Variants in ZNF385D observed in about 807,000 individuals in gnomAD.
ZNF385D encodes zinc finger protein 659.
ZNF385D carries 15 observed loss-of-function variants against 35.8 expected under a neutral mutation model. The ratio of observed to expected loss-of-function variants is 0.42; its 90% CI spans 0.28 to 0.64. The LOEUF (loss-of-function observed/expected upper bound fraction) is 0.64. ZNF385D is among the 30% of genes least tolerant of loss of function. The probability of loss-of-function intolerance (pLI) is 0.23; values close to 1 mark genes in which losing one functional copy is unlikely to be tolerated. For missense variants in ZNF385D, 474 were observed against 494.6 expected (o/e 0.96, Z 0.39); for synonymous variants, 212 against 186.8 (o/e 1.13, Z -1.10).
intron 3 of ZNF385D, among the ~76,000 whole-genome samples, chr3:22,118,610 G>A (rs1215624984): frequency 6.6e-6 from 1 of 151,844 alleles, no homozygotes; most frequent in Non-Finnish European, 1.5e-5. Context: ...TTTTCCCAAT[G>A]ATATCGGTAA....
rs144715442 is a variant in ZNF385D, at chr3:22,149,254, A to G, written c.325+19563T>C. On this transcript the variant is annotated intron_variant, in intron 3 of 5. Coordinates refer to the ZNF385D transcript ENST00000494108. ...AAAAGTCTATATTTATATACATGTT[A>G]GTATCCCAACCTTGATTTTTCTTCC... is the stretch of plus-strand genomic sequence containing the variant. Among the ~76,000 whole-genome samples, 654 of 152,314 alleles carry G rather than the reference A, an allele frequency of 4.3e-3. 12 individuals are homozygous for G. The highest frequency in any genetic ancestry group is 0.015 in the African/African-American group (622 of 41,574).
Position 21,528,871 on chromosome 3 carries a change from C to T in ZNF385D, c.277-17848G>A, listed in dbSNP as rs550040767. On this transcript the variant is annotated intron_variant, in intron 3 of 7. Coordinates refer to ENST00000281523, the MANE Select transcript of ZNF385D (RefSeq NM_024697.3). ...TGAAGTCTGTAAGATTTCATTTTAG[C>T]TAATCTTTGTCTAAATGAAGCATCA... Among the ~76,000 whole-genome samples, 121 of 152,248 alleles carry T rather than the reference C, an allele frequency of 7.9e-4. 1 individual carries two copies. The highest frequency in any genetic ancestry group is 2.9e-3 in the African/African-American group (120 of 41,556).
At chr3:21,444,387 GTTT>G (rs137978112) in intron 4 of ZNF385D, among the ~76,000 whole-genome samples, 40 of 133,908 alleles carry the variant, frequency 3.0e-4, no homozygotes, top group African/African-American at 9.4e-4. Context: ...GCCTTTTTTT[GTTT>G]TTTTTTTTTT....
chr3:21,675,669 G>C (rs956707825), intron 1 of ZNF385D, among the ~76,000 whole-genome samples: 15 of 152,036 alleles, frequency 9.9e-5, no homozygotes, highest in Admixed American at 2.0e-4. Flanking sequence ...TATACTAAGA[G>C]GCGATCATTT....
intron 2 of ZNF385D, among the ~76,000 whole-genome samples, chr3:22,346,588 C>T (rs1037313290): frequency 6.6e-6 from 1 of 152,098 alleles, no homozygotes; most frequent in Non-Finnish European, 1.5e-5. Flanking sequence ...GAACCAAATC[C>T]AATAGGTGAT....
intron 4 of ZNF385D, among the ~76,000 whole-genome samples, chr3:21,461,952 T>C (rs1703207266): frequency 6.6e-6 from 1 of 152,256 alleles, no homozygotes; most frequent in Non-Finnish European, 1.5e-5. Flanking sequence ...TGTGACTTTC[T>C]AGTTCTTAGA....
At chr3:21,770,067 A>G (rs2071009821) in intron 3 of ZNF385D, among the ~76,000 whole-genome samples, 1 of 152,178 alleles carries the variant, frequency 6.6e-6, no homozygotes, top group Non-Finnish European at 1.5e-5. Context: ...CCTTCCTTAT[A>G]CCTTATACAA....
At chr3:22,194,649 T>C (rs1459213135) in intron 2 of ZNF385D, among the ~76,000 whole-genome samples, 4 of 151,908 alleles carry the variant, frequency 2.6e-5, no homozygotes, top group Admixed American at 6.6e-5. Flanking sequence ...ATCTTCCTTG[T>C]GTTATTCATT....
intron 3 of ZNF385D, among the ~76,000 whole-genome samples, chr3:21,817,694 T>C (rs529626056): frequency 1.3e-5 from 2 of 152,266 alleles, no homozygotes; most frequent in African/African-American, 4.8e-5. Flanking sequence ...GGAGAGGATG[T>C]GGAGAAATAG....
chr3:21,550,966 ATGT>A (rs955369785), intron 3 of ZNF385D, among the ~76,000 whole-genome samples: 4 of 152,174 alleles, frequency 2.6e-5, no homozygotes, highest in African/African-American at 7.2e-5. Context: ...CATTAAGGAC[ATGT>A]TGTTACTTTA....
At chr3:22,244,999 G>A (rs1246207799) in intron 2 of ZNF385D, among the ~76,000 whole-genome samples, 3 of 152,012 alleles carry the variant, frequency 2.0e-5, no homozygotes, top group African/African-American at 4.8e-5. Context: ...CCTTTTGTCT[G>A]CTCTTGCATC....
intron 1 of ZNF385D, among the ~76,000 whole-genome samples, chr3:21,747,791 C>G (rs2069850401): frequency 6.6e-6 from 1 of 152,218 alleles, no homozygotes; most frequent in South Asian, 2.1e-4. Context: ...CACCCACAGC[C>G]TCTCTTCCTT....
chr3:22,349,823 G>C (rs1003107127), intron 2 of ZNF385D, among the ~76,000 whole-genome samples: 1 of 152,038 alleles, frequency 6.6e-6, no homozygotes, highest in Non-Finnish European at 1.5e-5. Context: ...TACTAACTTC[G>C]ATAAATTTCT....
At chr3:21,553,687 T>C (rs1297924809) in intron 3 of ZNF385D, among the ~76,000 whole-genome samples, 1 of 152,214 alleles carries the variant, frequency 6.6e-6, no homozygotes, top group Non-Finnish European at 1.5e-5. Context: ...GCTTTCAAAA[T>C]TGGGGTCAAT....
At chr3:22,282,255 T>C (rs1000561847) in intron 2 of ZNF385D, among the ~76,000 whole-genome samples, 1 of 152,002 alleles carries the variant, frequency 6.6e-6, no homozygotes, top group Non-Finnish European at 1.5e-5. Context: ...CTCTGATCTT[T>C]GTTATTTCTT....
chr3:21,434,330 G>A (rs565698837), intron 5 of ZNF385D, among the ~76,000 whole-genome samples: 3 of 152,202 alleles, frequency 2.0e-5, no homozygotes, highest in South Asian at 4.1e-4. Flanking sequence ...CTCCAAATCT[G>A]CTCTTGAGGG....
At chr3:21,724,581 CA>C (rs1326815457) in intron 1 of ZNF385D, among the ~76,000 whole-genome samples, 1 of 122,646 alleles carries the variant, frequency 8.2e-6, no homozygotes, top group Non-Finnish European at 1.7e-5. Flanking sequence ...TCAAAAGAGA[CA>C]AAAAGGGCAT....
chr3:22,150,952 A>C (rs1015288895), intron 3 of ZNF385D, among the ~76,000 whole-genome samples: 2 of 152,158 alleles, frequency 1.3e-5, no homozygotes, highest in Non-Finnish European at 2.9e-5. Context: ...TTGAAAAGAA[A>C]GGATGATTCT....
At chr3:21,972,224 A>T (rs1292384421) in intron 3 of ZNF385D, among the ~76,000 whole-genome samples, 1 of 152,058 alleles carries the variant, frequency 6.6e-6, no homozygotes, top group Non-Finnish European at 1.5e-5. Context: ...TAAAAATTTC[A>T]AAAGAAGAAA....
Sources: gnomAD v4.1 joint callset for allele counts (sites outside exome capture counted in the v4.1 genomes callset) on GRCh38, gnomAD v4.1.1 for gene constraint, MANE v1.5 for transcripts, NCBI Gene and HGNC (gene_info 2026-07-23, HGNC 2026-07-21) for gene names.